The following ABCB4 variants were observed in gnomAD, a reference collection of about 807,000 sequenced individuals.
The protein encoded by ABCB4 is ATP binding cassette subfamily B member 4.
In ABCB4, 76 loss-of-function variants were observed where a neutral mutation model predicts 145.7. The observed-to-expected ratio is 0.52, with a 90% CI of 0.43 to 0.63. The LOEUF (loss-of-function observed/expected upper bound fraction) is 0.63. Among genes scored for constraint, ABCB4 ranks in the 30% least tolerant of loss-of-function variants. The probability of loss-of-function intolerance (pLI) is 0.00; values close to 1 mark genes in which losing one functional copy is unlikely to be tolerated. For missense variants in ABCB4, 1,234 were observed against 1,553.1 expected (o/e 0.79, Z 3.45); for synonymous variants, 517 against 566.8 (o/e 0.91, Z 1.25).
At chr7:87,467,162 G>A (rs974494088) in intron 3 of ABCB4, among the ~76,000 whole-genome samples, 7 of 152,018 alleles carry the variant, frequency 4.6e-5, no homozygotes, top group African/African-American at 1.4e-4. Context: ...CCCATCTCAC[G>A]TGCAGAGACA....
rs563581065 is a variant in ABCB4 at position 87,425,307 on chromosome 7, T to G, written c.2065-1255A>C. Reference sequence around the variant, plus strand: ...TATAAAATACTGGAGTTTAAAGAGATAGCAAAATAACTCTCAAAATAAATG... The same window carrying G: ...TATAAAATACTGGAGTTTAAAGAGAGAGCAAAATAACTCTCAAAATAAATG... On this transcript the variant is annotated intron_variant, in intron 16 of 27. Transcript: ENST00000649586. 4.6e-5 allele frequency among the ~76,000 whole-genome samples: 7 copies of G among 152,290 alleles called. No individual in the cohort carries two copies. In the South Asian group the frequency reaches 1.4e-3, roughly 32 times the overall value.
intron 3 of ABCB4, among the ~76,000 whole-genome samples, chr7:87,463,246 AAC>A (rs56747933): frequency 9.9e-4 from 147 of 147,958 alleles, no homozygotes; most frequent in African/African-American, 1.9e-3. Flanking sequence ...ATTAAGTTTA[AAC>A]ACACACACAC....
intron 18 of ABCB4, 119 bp downstream of exon 18, chr7:87,422,002 T>A (rs1809473101): frequency 1.3e-6 from 1 of 762,184 alleles, no homozygotes; most frequent in Admixed American, 2.3e-5. Context: ...AGCAGAGCCT[T>A]ATGCCAATCA....
In ABCB4 at chr7:87,408,200, A is replaced by G. The variant is rs1241564744; in HGVS notation, c.3116T>C (p.Val1039Ala). ...KFEGNITFNE[V>A]VFNYPTRANV... ...TGCTCGGGTGGGATAGTTGAACACG[A>G]CTTCATTAAATGTTATATTTCCTTC... Residue 1039 changes from valine (V) to alanine (A), a missense_variant, in exon 25 of 28, where the codon GTC becomes GCC. Val to Ala is a moderately conservative substitution (Grantham distance 64, BLOSUM62 0). Coordinates refer to ENST00000649586, the MANE Select transcript of ABCB4 (RefSeq NM_000443.4). 2 of 1,614,058 alleles carry G rather than the reference A, an allele frequency of 1.2e-6. No homozygotes were observed. The highest frequency in any genetic ancestry group is 2.7e-5 in the African/African-American group (2 of 74,930).
chr7:87,434,072 G>A (rs1451917667), intron 14 of ABCB4, among the ~76,000 whole-genome samples: 1 of 149,724 alleles, frequency 6.7e-6, no homozygotes, highest in Non-Finnish European at 1.5e-5. Context: ...GGGACTACAA[G>A]TGCCCACCAC....
chr7:87,409,117 A>G (rs2116374528), intron 24 of ABCB4, 119 bp downstream of exon 24: 1 of 1,234,712 alleles, frequency 8.1e-7, no homozygotes, highest in South Asian at 1.3e-5. Flanking sequence ...TAAATATTAC[A>G]AATTAAATGA....
At chr7:87,443,197 C>A (rs1041994328) in intron 12 of ABCB4, 122 bp downstream of exon 12, 2 of 1,302,032 alleles carry the variant, frequency 1.5e-6, no homozygotes, top group African/African-American at 1.5e-5. Flanking sequence ...ATCGGCATTG[C>A]CATTTTGTAG....
At chr7:87,465,078 A>G (rs577587185) in intron 3 of ABCB4, among the ~76,000 whole-genome samples, 1 of 152,346 alleles carries the variant, frequency 6.6e-6, no homozygotes, top group South Asian at 2.1e-4. Context: ...AGGGGGAAGC[A>G]TCCCCTCACC....
At chr7:87,440,834 G>A (rs1335691230) in intron 12 of ABCB4, among the ~76,000 whole-genome samples, 2 of 151,940 alleles carry the variant, frequency 1.3e-5, no homozygotes, top group Admixed American at 6.6e-5. Flanking sequence ...TCCACCTCCC[G>A]GGTTCACACT....
chr7:87,396,643 A>G, the ABCB4 span, among the ~76,000 whole-genome samples: 1 of 151,930 alleles, frequency 6.6e-6, no homozygotes, highest in African/African-American at 2.4e-5. Flanking sequence ...CATCTCTTCT[A>G]CCCCAAGACT....
chr7:87,454,938 G>A (rs1812012798), intron 4 of ABCB4, among the ~76,000 whole-genome samples: 1 of 151,964 alleles, frequency 6.6e-6, no homozygotes, highest in Non-Finnish European at 1.5e-5. Context: ...AAAACACACA[G>A]AAGACAGAGG....
chr7:87,369,345 T>C, the ABCB4 span: 4 of 1,477,004 alleles, frequency 2.7e-6, no homozygotes, highest in Non-Finnish European at 9.4e-7. Context: ...ACCTTAGATT[T>C]GAGTCTTGTG....
intron 4 of ABCB4, among the ~76,000 whole-genome samples, chr7:87,461,721 G>A (rs1812472931): frequency 6.6e-6 from 1 of 151,938 alleles, no homozygotes; most frequent in Non-Finnish European, 1.5e-5. Context: ...TGCTTTTACT[G>A]GATTTTTAAA....
chr7:87,451,921 G>A (rs1036081754), intron 6 of ABCB4, 127 bp from the exon 7 acceptor site: 19 of 854,302 alleles, frequency 2.2e-5, no homozygotes, highest in Non-Finnish European at 2.6e-5. Context: ...CAGAGTCTTA[G>A]CCTCTTGAAT....
the ABCB4 span, among the ~76,000 whole-genome samples, chr7:87,382,817 G>A: frequency 0.012 from 1,848 of 152,198 alleles, 35 homozygotes; most frequent in African/African-American, 0.031. Context: ...CATTCAGATC[G>A]CTTGGTTTTC....
intron 6 of ABCB4, chr7:87,452,246 C>T (rs1811783698): frequency 4.1e-6 from 1 of 241,898 alleles, no homozygotes; most frequent in African/African-American, 2.3e-5. Context: ...CAGTGGGATG[C>T]TTTGAAAATG....
chr7:87,398,902 T>G (rs1478634704), downstream of ABCB4: 3 of 377,932 alleles, frequency 7.9e-6, no homozygotes, highest in Admixed American at 8.7e-5. Flanking sequence ...TATGCAGTAT[T>G]TAAGCCTCAA....
chr7:87,407,769 A>G (rs1808303676), intron 25 of ABCB4, among the ~76,000 whole-genome samples: 1 of 152,230 alleles, frequency 6.6e-6, no homozygotes, highest in Non-Finnish European at 1.5e-5. Flanking sequence ...GTATTTGCTT[A>G]GAACAATCAG....
At chr7:87,412,152 T>A (rs899969157) in intron 22 of ABCB4, 119 bp from the exon 23 acceptor site, 3 of 993,772 alleles carry the variant, frequency 3.0e-6, no homozygotes, top group Non-Finnish European at 4.7e-6. Flanking sequence ...TCCAGTTATA[T>A]TAGTTTGGGT....
Sources: gnomAD v4.1 joint callset for allele counts (sites outside exome capture counted in the v4.1 genomes callset) on GRCh38, gnomAD v4.1.1 for gene constraint, MANE v1.5 for transcripts, NCBI Gene and HGNC (gene_info 2026-07-23, HGNC 2026-07-21) for gene names.